Variants in DCDC1 observed in about 807,000 individuals in gnomAD.
DCDC1 encodes the protein doublecortin domain containing 1.
In DCDC1, 200 loss-of-function variants were observed where a neutral mutation model predicts 178.3. That is an observed-to-expected ratio of 1.12 (90% CI 1.00 to 1.26). The LOEUF (loss-of-function observed/expected upper bound fraction) is 1.26. Ranked by LOEUF, DCDC1 falls within the 50% of genes most tolerant of loss-of-function variation. The pLI, the probability that DCDC1 is intolerant of heterozygous loss-of-function variation, is 0.00. For missense variants in DCDC1, 1,983 were observed against 1,749.2 expected (o/e 1.13, Z -2.38); for synonymous variants, 690 against 604.8 (o/e 1.14, Z -2.07).
intron 9 of DCDC1, among the ~76,000 whole-genome samples, chr11:31,214,876 A>C (rs1973340863): frequency 6.6e-6 from 1 of 151,986 alleles, no homozygotes; most frequent in Admixed American, 6.6e-5. Flanking sequence ...AATTTAACTA[A>C]CATAAGAAAT....
At chr11:30,923,315 A>G (rs567273637) in intron 23 of DCDC1, among the ~76,000 whole-genome samples, 1 of 152,256 alleles carries the variant, frequency 6.6e-6, no homozygotes, top group African/African-American at 2.4e-5. Flanking sequence ...GACCCCTGGT[A>G]TAAATGAATT....
chr11:30,881,085 T>C (rs1942618869), intron 37 of DCDC1, 73 bp downstream of exon 37: 16 of 1,536,984 alleles, frequency 1.0e-5, no homozygotes, highest in Non-Finnish European at 1.4e-5. Context: ...TGATGGGATA[T>C]AAGCTCTTCC....
intron 8 of DCDC1, among the ~76,000 whole-genome samples, chr11:31,242,371 G>C (rs1977266260): frequency 6.6e-6 from 1 of 151,862 alleles, no homozygotes; most frequent in Non-Finnish European, 1.5e-5. Flanking sequence ...TCTTTCTAGT[G>C]TAAAATAGTC....
intron 21 of DCDC1, among the ~76,000 whole-genome samples, chr11:30,948,261 C>T (rs1284058158): frequency 6.6e-6 from 1 of 152,086 alleles, no homozygotes; most frequent in East Asian, 1.9e-4. Context: ...ATAATTGCTA[C>T]TAAGAGAATA....
intron 10 of DCDC1, 22 bp from the exon 11 acceptor site, chr11:31,127,661 A>C (rs1266939810): frequency 2.9e-6 from 2 of 699,310 alleles, no homozygotes; most frequent in African/African-American, 1.8e-5. Flanking sequence ...AAATTACAAG[A>C]GTTGTTAGCG....
chr11:31,135,597 C>T (rs180969656), intron 10 of DCDC1, among the ~76,000 whole-genome samples: 2 of 152,140 alleles, frequency 1.3e-5, no homozygotes, highest in East Asian at 3.9e-4. Flanking sequence ...TCTTCAGAGG[C>T]TATGGAATAT....
At chr11:31,128,254 A>G (rs1961927908) in intron 10 of DCDC1, among the ~76,000 whole-genome samples, 1 of 152,090 alleles carries the variant, frequency 6.6e-6, no homozygotes, top group Non-Finnish European at 1.5e-5. Flanking sequence ...AATATATATT[A>G]ATGTCAAAAT....
At chr11:31,322,789 C>G (rs1949437181) in intron 3 of DCDC1, among the ~76,000 whole-genome samples, 1 of 152,154 alleles carries the variant, frequency 6.6e-6, no homozygotes. Context: ...TGCTCTCTCT[C>G]TGAATTCTTC....
intron 9 of DCDC1, among the ~76,000 whole-genome samples, chr11:31,142,687 C>T (rs1490676775): frequency 6.6e-6 from 1 of 151,824 alleles, no homozygotes; most frequent in East Asian, 1.9e-4. Context: ...TTTTAAATTC[C>T]TAAAATTAAT....
At chr11:31,354,562 A>C (rs546236531) in intron 1 of DCDC1, among the ~76,000 whole-genome samples, 1 of 152,324 alleles carries the variant, frequency 6.6e-6, no homozygotes, top group South Asian at 2.1e-4. Flanking sequence ...GAATATAGTA[A>C]CAGAAGAGCC....
At chr11:31,270,184 T>C (rs912235568) in intron 7 of DCDC1, among the ~76,000 whole-genome samples, 1 of 152,224 alleles carries the variant, frequency 6.6e-6, no homozygotes, top group Admixed American at 6.5e-5. Flanking sequence ...GTGTGGCCTA[T>C]AGGCTAAGAA....
At chr11:31,160,544 A>C (rs1966222730) in intron 9 of DCDC1, among the ~76,000 whole-genome samples, 2 of 152,224 alleles carry the variant, frequency 1.3e-5, no homozygotes, top group African/African-American at 4.8e-5. Context: ...AAAAAATAAC[A>C]ATTATTAAAA....
chr11:31,359,205 C>T (rs906687357), intron 1 of DCDC1, among the ~76,000 whole-genome samples: 7 of 152,064 alleles, frequency 4.6e-5, no homozygotes, highest in Non-Finnish European at 1.0e-4. Flanking sequence ...CAATGATAGA[C>T]TGGATTAAGA....
intron 9 of DCDC1, among the ~76,000 whole-genome samples, chr11:31,204,692 G>A (rs2136462743): frequency 6.6e-6 from 1 of 152,196 alleles, no homozygotes. Context: ...CATGGTGGCA[G>A]GAGCCTGTAA....
intron 9 of DCDC1, among the ~76,000 whole-genome samples, chr11:31,140,889 C>T (rs531349828): frequency 6.6e-6 from 1 of 152,262 alleles, no homozygotes; most frequent in South Asian, 2.1e-4. Flanking sequence ...GCACTGTGCC[C>T]TCTCCAAAGC....
At chr11:31,185,086 A>T (rs1036417651) in intron 9 of DCDC1, among the ~76,000 whole-genome samples, 2 of 152,278 alleles carry the variant, frequency 1.3e-5, no homozygotes, top group Non-Finnish European at 2.9e-5. Flanking sequence ...GCCATAAAAA[A>T]GGGTGAGTTC....
intron 9 of DCDC1, among the ~76,000 whole-genome samples, chr11:31,211,361 T>C (rs754638883): frequency 3.9e-5 from 6 of 152,246 alleles, no homozygotes; most frequent in Non-Finnish European, 1.5e-5. Context: ...AGTATTTGTA[T>C]ACACAATTGC....
intron 10 of DCDC1, 27 bp from the exon 11 acceptor site, chr11:31,127,666 T>C (rs1194714114): frequency 1.4e-6 from 1 of 698,228 alleles, no homozygotes; most frequent in Non-Finnish European, 2.6e-6. Context: ...ACAAGAGTTG[T>C]TAGCGAGAAG....
chr11:30,989,472 A>G (rs1378031249), intron 20 of DCDC1, among the ~76,000 whole-genome samples: 1 of 152,162 alleles, frequency 6.6e-6, no homozygotes, highest in Non-Finnish European at 1.5e-5. Context: ...TTGGAAAAAT[A>G]AAAACAAATC....
Sources: allele counts gnomAD v4.1 joint callset (sites outside exome capture counted in the v4.1 genomes callset), GRCh38; gene constraint gnomAD v4.1.1; transcripts MANE v1.5; gene names NCBI Gene and HGNC (gene_info 2026-07-23, HGNC 2026-07-21).